The following HSD17B12 variants were observed in gnomAD, a reference collection of about 807,000 sequenced individuals.
HSD17B12 encodes hydroxysteroid 17-beta dehydrogenase 12.
A neutral mutation model predicts 39.3 loss-of-function variants in HSD17B12; 32 were observed. The ratio of observed to expected loss-of-function variants is 0.81; its 90% CI spans 0.61 to 1.09. The LOEUF is 1.09. HSD17B12 is among the 50% of genes least tolerant of loss of function. The pLI is 0.00. For missense variants in HSD17B12, 342 were observed against 382.9 expected (o/e 0.89, Z 0.89); for synonymous variants, 150 against 146.7 (o/e 1.02, Z -0.16).
intron 1 of HSD17B12, among the ~76,000 whole-genome samples, chr11:43,734,796 T>C (rs1482039565): frequency 1.3e-5 from 2 of 152,224 alleles, no homozygotes; most frequent in Non-Finnish European, 2.9e-5. Context: ...AAATTAACCA[T>C]TAACGAATTC....
chr11:43,655,794 G>A, the HSD17B12 span, among the ~76,000 whole-genome samples: 1 of 152,102 alleles, frequency 6.6e-6, no homozygotes, highest in Non-Finnish European at 1.5e-5. Flanking sequence ...ATGTGCTGCT[G>A]GATTTGGCTT....
the HSD17B12 span, among the ~76,000 whole-genome samples, chr11:43,586,862 A>T: frequency 2.0e-5 from 3 of 152,206 alleles, no homozygotes; most frequent in African/African-American, 4.8e-5. Context: ...CCTTTTTCAC[A>T]GTCTCTCCCT....
chr11:43,776,918 A>G (rs918264751), intron 3 of HSD17B12, among the ~76,000 whole-genome samples: 3 of 152,056 alleles, frequency 2.0e-5, no homozygotes, highest in Admixed American at 6.6e-5. Context: ...ATAGTTGTAG[A>G]TATGCGGCGT....
chr11:43,747,982 G>A (rs1950427549), intron 1 of HSD17B12, among the ~76,000 whole-genome samples: 1 of 152,098 alleles, frequency 6.6e-6, no homozygotes, highest in South Asian at 2.1e-4. Context: ...ACAGTTCTGG[G>A]GTCTTGGAGA....
intron 1 of HSD17B12, among the ~76,000 whole-genome samples, chr11:43,693,205 T>G (rs1002046311): frequency 6.6e-6 from 1 of 152,178 alleles, no homozygotes; most frequent in Admixed American, 6.5e-5. Context: ...GGTAGATTGA[T>G]TAAAAGCAAC....
At chr11:43,575,073 C>T in the HSD17B12 span, among the ~76,000 whole-genome samples, 25 of 152,326 alleles carry the variant, frequency 1.6e-4, no homozygotes, top group East Asian at 4.7e-3. The surrounding 1 kb of genome is among the most constrained non-coding windows in gnomAD (Gnocchi z 4.1). Context: ...CTCCCCTTTC[C>T]CCCACACAGG....
chr11:43,683,841 A>G (rs1044883164), intron 1 of HSD17B12, among the ~76,000 whole-genome samples: 1 of 152,172 alleles, frequency 6.6e-6, no homozygotes, highest in Admixed American at 6.5e-5. Context: ...TAGTCTCTTC[A>G]TGTGAGTATC....
chr11:43,688,528 G>A (rs1180325647), intron 1 of HSD17B12, among the ~76,000 whole-genome samples: 2 of 152,210 alleles, frequency 1.3e-5, no homozygotes, highest in Non-Finnish European at 2.9e-5. Flanking sequence ...AAAACAATGC[G>A]TTTGCCCTAT....
At chr11:43,701,345 C>A (rs1949962275) in intron 1 of HSD17B12, among the ~76,000 whole-genome samples, 1 of 152,212 alleles carries the variant, frequency 6.6e-6, no homozygotes, top group African/African-American at 2.4e-5. Flanking sequence ...TTGATGTGAT[C>A]CCATTTGTCC....
intron 3 of HSD17B12, among the ~76,000 whole-genome samples, chr11:43,781,434 A>G (rs750258870): frequency 2.0e-5 from 3 of 152,212 alleles, no homozygotes; most frequent in Non-Finnish European, 2.9e-5. Flanking sequence ...TAAAAAAAGA[A>G]TACACCACAT....
At chr11:43,742,112 A>AATATATATATAT (rs1168038073) in intron 1 of HSD17B12, among the ~76,000 whole-genome samples, 6 of 93,174 alleles carry the variant, frequency 6.4e-5, no homozygotes, top group South Asian at 4.0e-4. Context: ...AGGCAAAGGA[A>AATATATATATAT]ATATATATAT....
intron 6 of HSD17B12, among the ~76,000 whole-genome samples, chr11:43,820,322 T>C (rs1240735012): frequency 2.0e-5 from 3 of 152,218 alleles, no homozygotes; most frequent in East Asian, 1.9e-4. Flanking sequence ...CATGTGTTTT[T>C]CTTACTTATA....
chr11:43,763,604 G>T (rs1248353033), intron 3 of HSD17B12, among the ~76,000 whole-genome samples: 1 of 133,646 alleles, frequency 7.5e-6, no homozygotes. Context: ...ATATATATAA[G>T]GTTATCTTAT....
At chr11:43,752,934 C>T (rs1201560534) in intron 2 of HSD17B12, among the ~76,000 whole-genome samples, 1 of 152,216 alleles carries the variant, frequency 6.6e-6, no homozygotes, top group East Asian at 1.9e-4. Flanking sequence ...TCCATAGCTT[C>T]ATTTGCAATA....
At chr11:43,750,524 C>T (rs1339783083) in intron 1 of HSD17B12, among the ~76,000 whole-genome samples, 5 of 152,102 alleles carry the variant, frequency 3.3e-5, no homozygotes, top group Non-Finnish European at 7.4e-5. Flanking sequence ...TACTATGCAT[C>T]AACTAAGCTA....
chr11:43,658,821 G>C, the HSD17B12 span, among the ~76,000 whole-genome samples: 1 of 152,228 alleles, frequency 6.6e-6, no homozygotes, highest in African/African-American at 2.4e-5. Flanking sequence ...GTGCCTCCCA[G>C]TTAGGCTACT....
chr11:43,694,509 AG>A (rs1034954800), intron 1 of HSD17B12, among the ~76,000 whole-genome samples: 2 of 151,596 alleles, frequency 1.3e-5, no homozygotes, highest in African/African-American at 4.9e-5. Context: ...CAGATCAGCC[AG>A]GGCAAAAAAA....
the HSD17B12 span, among the ~76,000 whole-genome samples, chr11:43,623,860 G>T: frequency 6.6e-6 from 1 of 152,072 alleles, no homozygotes; most frequent in Non-Finnish European, 1.5e-5. Context: ...GAAGCCCTCA[G>T]ATACAAGCCA....
At chr11:43,777,825 T>A (rs11037629) in intron 3 of HSD17B12, among the ~76,000 whole-genome samples, 1 of 152,232 alleles carries the variant, frequency 6.6e-6, no homozygotes, top group South Asian at 2.1e-4. Context: ...CTGGGACACA[T>A]TCAAAGCACT....
Sources: allele counts gnomAD v4.1 joint callset (sites outside exome capture counted in the v4.1 genomes callset), GRCh38; gene constraint gnomAD v4.1.1; non-coding constraint Gnocchi (gnomAD v3.1); transcripts MANE v1.5; gene names NCBI Gene and HGNC (gene_info 2026-07-23, HGNC 2026-07-21).